STX1B: variants seen among roughly 807,000 people sequenced by gnomAD.
STX1B encodes syntaxin-1B.
STX1B carries 7 observed loss-of-function variants against 39.4 expected under a neutral mutation model. The ratio of observed to expected loss-of-function variants is 0.18; its 90% CI spans 0.10 to 0.33. The LOEUF (loss-of-function observed/expected upper bound fraction) is 0.33, where lower values mean the gene tolerates loss of function less well. Ranked by LOEUF, STX1B falls within the 10% of genes least tolerant of loss-of-function variation. STX1B has a pLI of 1.00. For synonymous variants in STX1B, 136 were observed against 144.1 expected (o/e 0.94, Z 0.40); for missense variants, 198 against 383.2 (o/e 0.52, Z 4.04).
At chr16:30,996,657 C>T (rs775487286) in intron 7 of STX1B, 26 bp downstream of exon 7, 23 of 1,608,288 alleles carry the variant, frequency 1.4e-5, no homozygotes. Context: ...TTTCCAAAAG[C>T]AGAGCCCGCC....
chr16:30,992,859 C>G lies in STX1B; in HGVS notation c.829G>C (p.Val277Leu). Residue 277 changes from valine to leucine, a missense_variant, in exon 10 of 10, where the codon GTC becomes CTC. By Grantham distance (32) the Val-to-Leu change is conservative. Coordinates refer to ENST00000215095, the MANE Select transcript of STX1B (RefSeq NM_052874.5). ...GTCCCCCCAATGGATGACGCCAAGA[C>G]CACCCCCAGCACCACACAGCAAATG... ...IIICCVVLGVVLASSIGGTLG... is the reference protein window; with the variant it reads ...IIICCVVLGVLLASSIGGTLG... The G allele has an allele frequency of 6.2e-7, 1 of 1,613,924 alleles. No homozygotes were observed.
chr16:31,000,556 G>A (rs573738475), intron 4 of STX1B, among the ~76,000 whole-genome samples: 96 of 151,368 alleles, frequency 6.3e-4, no homozygotes, highest in African/African-American at 2.2e-3. Flanking sequence ...GCAGTGGCGC[G>A]ATCTCAGCTC....
rs2056543988 is a variant in STX1B, at chr16:30,990,146, G to C, written c.*2675C>G. ...AATGCCACTCCAGGTGGGGGGAGTGGTGCCCCAGCCACGCTTCAACCCTTC... is the reference window on the plus strand; with the variant it reads ...AATGCCACTCCAGGTGGGGGGAGTGCTGCCCCAGCCACGCTTCAACCCTTC... On this transcript the variant is annotated 3_prime_UTR_variant, in exon 10 of 10. Coordinates refer to ENST00000215095, the MANE Select transcript of STX1B (RefSeq NM_052874.5). 1 of 152,226 alleles carries C rather than the reference G, an allele frequency of 6.6e-6. No individual in the cohort carries two copies. The highest frequency in any genetic ancestry group is 2.4e-5 in the African/African-American group (1 of 41,424). 9.4% of individuals were successfully genotyped at this position (152,226 alleles called of 1,614,324 possible).
intron 1 of STX1B, among the ~76,000 whole-genome samples, chr16:31,007,806 C>T (rs1460510598): frequency 6.6e-6 from 1 of 152,216 alleles, no homozygotes; most frequent in Non-Finnish European, 1.5e-5. Flanking sequence ...GCCAGGCCCC[C>T]TCCTAGGCAC....
At chr16:31,008,450 G>A (rs1290549703) in intron 1 of STX1B, among the ~76,000 whole-genome samples, 5 of 147,880 alleles carry the variant, frequency 3.4e-5, no homozygotes, top group Admixed American at 6.8e-5. Flanking sequence ...CCTCTTTCTC[G>A]AATTGTACCC....
chr16:30,993,551 T>G, intron 7 of STX1B, 67 bp from the exon 8 acceptor site: 1 of 1,562,394 alleles, frequency 6.4e-7, no homozygotes, highest in Non-Finnish European at 8.8e-7. Flanking sequence ...CGCAGTGGAG[T>G]GGCCAGGGTC....
At chr16:30,999,494 G>C (rs1020919476) in intron 4 of STX1B, among the ~76,000 whole-genome samples, 2 of 152,200 alleles carry the variant, frequency 1.3e-5, no homozygotes, top group Non-Finnish European at 2.9e-5. Flanking sequence ...CTATTTCCCT[G>C]GTATGAGCAG....
In STX1B at chr16:31,001,171, A is replaced by G. The variant is rs750185897; in HGVS notation, c.128T>C (p.Ile43Thr). ...FEQVEEIRGC[I>T]EKLSEDVEQV... is the part of the protein sequence containing the mutation. ...CTCCACATCCTCCGACAGTTTCTCA[A>G]TGCAGCCCCGGATCTCTTCCACCTG... Residue 43 changes from isoleucine (I) to threonine (T), a missense_variant, in exon 3 of 10, where the codon ATT (isoleucine) becomes ACT (threonine). Physicochemically the swap from Ile to Thr is moderately conservative, Grantham distance 89. Transcript: ENST00000215095. The surrounding 1 kb of genome is among the most constrained non-coding windows in gnomAD (Gnocchi z 5.5). 5.5e-5 allele frequency: 89 copies of G among 1,613,910 alleles called. No homozygotes were observed. The highest frequency in any genetic ancestry group is 7.0e-5 in the Non-Finnish European group (83 of 1,180,008).
chr16:30,994,256 C>A (rs1269950456), intron 7 of STX1B, among the ~76,000 whole-genome samples: 1 of 149,738 alleles, frequency 6.7e-6, no homozygotes, highest in Non-Finnish European at 1.5e-5. Flanking sequence ...TGCGCCACTG[C>A]ACTCCAGCCT....
chr16:30,995,994 G>A (rs2056589585), intron 7 of STX1B, among the ~76,000 whole-genome samples: 1 of 152,068 alleles, frequency 6.6e-6, no homozygotes, highest in South Asian at 2.1e-4. Context: ...CTGGGCAACA[G>A]AGGAAGACCC....
chr16:30,996,987 G>C lies in STX1B; in HGVS notation c.427C>G (p.Arg143Gly). ...YNATQSKYRD[R>G]CKDRIQRQLE... ...TGCCGCTGGATCCGGTCCTTGCAGC[G>C]GTCCCGGTACTTGGACTGGGTCGCG... Residue 143 changes from arginine to glycine, a missense_variant, in exon 6 of 10, where the codon CGC becomes GGC. Transcript: ENST00000215095. The C allele has an allele frequency of 6.2e-7, 1 of 1,613,776 alleles. No individual in the cohort carries two copies. The highest frequency in any genetic ancestry group is 1.7e-4 in the Middle Eastern group (1 of 6,032).
At chr16:30,993,025 G>A in intron 9 of STX1B, 105 bp downstream of exon 9, 2 of 1,338,582 alleles carry the variant, frequency 1.5e-6, no homozygotes, top group South Asian at 1.2e-5. Flanking sequence ...AACAGGAAGA[G>A]GTCAGAGCCA....
chr16:31,008,875 T>A (rs2056667318), intron 1 of STX1B, among the ~76,000 whole-genome samples: 1 of 152,194 alleles, frequency 6.6e-6, no homozygotes, highest in South Asian at 2.1e-4. Flanking sequence ...AAAAGATATT[T>A]ATATATCTAT....
At chr16:30,995,232 C>T (rs2056586053) in intron 7 of STX1B, among the ~76,000 whole-genome samples, 2 of 152,122 alleles carry the variant, frequency 1.3e-5, no homozygotes, top group African/African-American at 2.4e-5. Flanking sequence ...TCCTCCTTGG[C>T]CTCCCAAAAT....
intron 1 of STX1B, among the ~76,000 whole-genome samples, chr16:31,004,048 C>T (rs766449993): frequency 1.3e-5 from 2 of 152,162 alleles, no homozygotes; most frequent in African/African-American, 2.4e-5. Flanking sequence ...ACTGACTTTC[C>T]GCTCCCAGTT....
At position 30,997,592 on chromosome 16, in the gene STX1B, G is replaced by A. The variant is rs748926699; in HGVS notation, c.281-17C>T. 14 of 1,597,394 alleles carry A rather than the reference G, an allele frequency of 8.8e-6. No homozygotes were observed. In the East Asian group the frequency reaches 2.5e-4, roughly 28 times the overall value. On this transcript the variant is annotated splice_polypyrimidine_tract_variant and intron_variant, in intron 4 of 9. Transcript: ENST00000215095. The stretch of plus-strand genomic sequence containing the variant: ...GCTCGATCGCTGCGGGAGAGAGGGC[G>A]CAGCGATGGGCGGGAGACCCGGGGC...
intron 1 of STX1B, among the ~76,000 whole-genome samples, chr16:31,004,545 G>A (rs183083232): frequency 1.5e-3 from 222 of 152,176 alleles, no homozygotes; most frequent in African/African-American, 4.9e-3. Context: ...ATGGTGGTGC[G>A]CACCTGTAGT....
intron 1 of STX1B, among the ~76,000 whole-genome samples, chr16:31,003,541 C>T (rs941237563): frequency 1.3e-5 from 2 of 152,210 alleles, no homozygotes; most frequent in Admixed American, 1.3e-4. Flanking sequence ...GCAGGTCATG[C>T]GGCCTCTCCC....
At chr16:31,000,879 C>T in intron 4 of STX1B, 49 bp downstream of exon 4, 1 of 1,601,140 alleles carries the variant, frequency 6.2e-7, no homozygotes, top group Non-Finnish European at 8.6e-7. Flanking sequence ...AGCCACCATG[C>T]TCCACCCACA....
Sources: allele counts gnomAD v4.1 joint callset (sites outside exome capture counted in the v4.1 genomes callset), GRCh38; gene constraint gnomAD v4.1.1; non-coding constraint Gnocchi (gnomAD v3.1); transcripts MANE v1.5; gene names NCBI Gene and HGNC (gene_info 2026-07-23, HGNC 2026-07-21).